Variants in CAST observed in about 807,000 individuals in gnomAD.
The protein encoded by CAST is MIR583 host.
CAST carries 76 observed loss-of-function variants against 119.6 expected under a neutral mutation model. That is an observed-to-expected ratio of 0.64 (90% CI 0.53 to 0.77). CAST has a LOEUF of 0.77. CAST is among the 30% of genes least tolerant of loss of function. CAST has a pLI of 0.00. For missense variants in CAST, 953 were observed against 946.5 expected (o/e 1.01, Z -0.09); for synonymous variants, 319 against 331.6 (o/e 0.96, Z 0.41).
chr5:95,961,705 G>T, the CAST span: 2 of 1,604,378 alleles, frequency 1.2e-6, no homozygotes, highest in African/African-American at 2.7e-5. Flanking sequence ...CAGGCCCCCT[G>T]TCCCCCCCGC....
At chr5:96,196,936 G>T in the CAST span, among the ~76,000 whole-genome samples, 1 of 152,294 alleles carries the variant, frequency 6.6e-6, no homozygotes, top group Middle Eastern at 3.4e-3. Flanking sequence ...GCTTATTAGA[G>T]TAATGCTTTT....
the CAST span, among the ~76,000 whole-genome samples, chr5:96,388,319 T>C: frequency 1.3e-5 from 2 of 152,258 alleles, no homozygotes; most frequent in Admixed American, 6.5e-5. Context: ...AGGATGGCTC[T>C]GCTTCGTGCT....
At chr5:96,597,549 C>T (rs151287833) in intron 1 of CAST, among the ~76,000 whole-genome samples, 176 of 152,288 alleles carry the variant, frequency 1.2e-3, no homozygotes, top group Middle Eastern at 3.4e-3. Flanking sequence ...TTTCAAATAA[C>T]GTCAGCAGCA....
Position 96,629,953 on chromosome 5 carries a change from G to A in CAST, c.61-45586G>A, listed in dbSNP as rs144605032. On this transcript the variant is annotated intron_variant, in intron 1 of 11. Coordinates refer to the CAST transcript ENST00000505143. ...CCTAAACCAGCTAAGCCTGCAGTAC[G>A]GTGGACTAGACTCAACAGGATTACA... is the stretch of plus-strand genomic sequence containing the variant. 1.4e-4 allele frequency among the ~76,000 whole-genome samples: 21 copies of A among 152,254 alleles called. No homozygotes were observed. In the East Asian group the frequency reaches 1.5e-3, roughly 11 times the overall value.
chr5:96,458,389 C>T, the CAST span, among the ~76,000 whole-genome samples: 11 of 152,052 alleles, frequency 7.2e-5, no homozygotes, highest in African/African-American at 2.7e-4. Flanking sequence ...AAGCTTAGAT[C>T]TAGAGAAGTC....
the CAST span, among the ~76,000 whole-genome samples, chr5:96,494,961 CAA>C: frequency 6.6e-6 from 1 of 151,556 alleles, no homozygotes; most frequent in African/African-American, 2.4e-5. Flanking sequence ...ACTAAAAATA[CAA>C]AAAAATTAGC....
the CAST span, among the ~76,000 whole-genome samples, chr5:96,254,222 A>G: frequency 3.3e-5 from 5 of 152,132 alleles, no homozygotes; most frequent in African/African-American, 1.2e-4. Context: ...AAATATTCAT[A>G]TACTGACCTA....
intron 1 of CAST, among the ~76,000 whole-genome samples, chr5:96,538,491 G>A (rs1476769210): frequency 6.6e-6 from 1 of 152,070 alleles, no homozygotes; most frequent in African/African-American, 2.4e-5. Context: ...CAAACACTAG[G>A]CTAGCAAAGT....
At chr5:96,542,117 T>C (rs540867291) in intron 1 of CAST, among the ~76,000 whole-genome samples, 2 of 152,242 alleles carry the variant, frequency 1.3e-5, no homozygotes, top group South Asian at 4.1e-4. Context: ...GAGACCATCC[T>C]GGCTAACACA....
the CAST span, among the ~76,000 whole-genome samples, chr5:96,356,644 G>A: frequency 6.6e-6 from 1 of 152,162 alleles, no homozygotes; most frequent in Admixed American, 6.5e-5. Context: ...GATGGTTGTA[G>A]ATGTGTGGCA....
At chr5:96,445,678 C>T in the CAST span, among the ~76,000 whole-genome samples, 1 of 152,124 alleles carries the variant, frequency 6.6e-6, no homozygotes, top group African/African-American at 2.4e-5. Context: ...AGGTCTTGTC[C>T]TGTAAATTTC....
At chr5:96,508,400 A>G in the CAST span, among the ~76,000 whole-genome samples, 1 of 152,166 alleles carries the variant, frequency 6.6e-6, no homozygotes, top group African/African-American at 2.4e-5. Flanking sequence ...AGTACTTCAT[A>G]TGTGTTTAAT....
chr5:96,458,835 T>A, the CAST span, among the ~76,000 whole-genome samples: 1 of 152,152 alleles, frequency 6.6e-6, no homozygotes, highest in Non-Finnish European at 1.5e-5. Context: ...CTTTCGCACA[T>A]CATCTTTATC....
chr5:96,288,261 C>T, the CAST span, among the ~76,000 whole-genome samples: 9 of 152,136 alleles, frequency 5.9e-5, no homozygotes, highest in African/African-American at 2.2e-4. Context: ...TTTTTTCCTC[C>T]TCACATTTGG....
chr5:96,399,821 A>C, the CAST span: 1 of 724,256 alleles, frequency 1.4e-6, no homozygotes, highest in Non-Finnish European at 2.5e-6. Flanking sequence ...GGATACCCAC[A>C]GAGAACACTA....
chr5:96,050,964 C>CAGAATATATATATAT, the CAST span, among the ~76,000 whole-genome samples: 35 of 152,206 alleles, frequency 2.3e-4, no homozygotes, highest in East Asian at 6.6e-3. Context: ...ACAATGGGAA[C>CAGAATATATATATAT]ACAGAATAAA....
intron 1 of CAST, among the ~76,000 whole-genome samples, chr5:96,561,617 T>C (rs1746363300): frequency 6.6e-6 from 1 of 151,796 alleles, no homozygotes; most frequent in South Asian, 2.1e-4. Flanking sequence ...ATGTAGATGA[T>C]GGGTTGATGG....
At chr5:95,978,479 C>T in the CAST span, among the ~76,000 whole-genome samples, 1 of 152,068 alleles carries the variant, frequency 6.6e-6, no homozygotes, top group East Asian at 1.9e-4. Flanking sequence ...TTCCTTTGCT[C>T]ACTTTTTTAT....
chr5:96,742,824 A>G (rs1762983366), intron 16 of CAST, 68 bp downstream of exon 16: 3 of 1,045,296 alleles, frequency 2.9e-6, no homozygotes, highest in Admixed American at 1.9e-5. Context: ...TGCACTCTGC[A>G]TGTTTAGAAT....
Sources: gnomAD v4.1 joint callset for allele counts (sites outside exome capture counted in the v4.1 genomes callset) on GRCh38, gnomAD v4.1.1 for gene constraint, MANE v1.5 for transcripts, NCBI Gene and HGNC (gene_info 2026-07-23, HGNC 2026-07-21) for gene names.